CNTN4: variants seen among roughly 807,000 people sequenced by gnomAD.
The protein encoded by CNTN4 is contactin-4.
A neutral mutation model predicts 122.5 loss-of-function variants in CNTN4; 77 were observed. That is an observed-to-expected ratio of 0.63 (90% CI 0.52 to 0.76). CNTN4 has a LOEUF of 0.76. Ranked by LOEUF, CNTN4 falls within the 30% of genes least tolerant of loss-of-function variation. The pLI, the probability that CNTN4 is intolerant of heterozygous loss-of-function variation, is 0.00. For synonymous variants in CNTN4, 512 were observed against 447.0 expected, an observed-to-expected ratio of 1.15 and a Z score of -1.83; for missense variants, 1,256 against 1,259.1, an observed-to-expected ratio of 1.00 and a Z score of 0.04.
intron 7 of CNTN4, among the ~76,000 whole-genome samples, chr3:2,844,079 C>T (rs976320257): frequency 3.3e-5 from 5 of 152,304 alleles, no homozygotes; most frequent in Non-Finnish European, 4.4e-5. Context: ...ACACGTCCCT[C>T]CTAGCAATGG....
rs115529064 is a variant in CNTN4 at position 2,230,167 on chromosome 3, G to A, written c.-144-109011G>A. 6.7e-3 allele frequency among the ~76,000 whole-genome samples: 1,019 copies of A among 152,332 alleles called. 9 individuals are homozygous for A. Among genetic ancestry groups the A allele is most frequent in the African/African-American group, 0.024 (991 of 41,576 alleles). ...CAGCTGTCACCTGTCCTACACAGCA[G>A]CGCATTGACAGCACAGGTGTGGTAT... On this transcript the variant is annotated intron_variant, in intron 2 of 24. Coordinates refer to ENST00000418658, the MANE Select transcript of CNTN4 (RefSeq NM_175607.3).
intron 3 of CNTN4, among the ~76,000 whole-genome samples, chr3:2,365,370 G>T (rs959933327): frequency 1.3e-5 from 2 of 152,150 alleles, no homozygotes; most frequent in Non-Finnish European, 2.9e-5. Flanking sequence ...CATGCTTCAT[G>T]ATTTGTCCTC....
chr3:2,851,264 G>C (rs534985840), intron 7 of CNTN4, among the ~76,000 whole-genome samples: 1 of 152,274 alleles, frequency 6.6e-6, no homozygotes, highest in South Asian at 2.1e-4. Context: ...CTATTTGACA[G>C]ACTTTTGCAT....
At chr3:2,347,879 T>C (rs1251097272) in intron 3 of CNTN4, among the ~76,000 whole-genome samples, 2 of 152,110 alleles carry the variant, frequency 1.3e-5, no homozygotes, top group Admixed American at 1.3e-4. Flanking sequence ...GTTTTCTTGC[T>C]TTATCATGGA....
chr3:3,009,735 C>T (rs1697037753), intron 14 of CNTN4, among the ~76,000 whole-genome samples: 1 of 152,192 alleles, frequency 6.6e-6, no homozygotes, highest in African/African-American at 2.4e-5. Context: ...GCCCGGCCAG[C>T]ATTTCTTTTT....
At chr3:2,675,578 G>C (rs1430123704) in intron 4 of CNTN4, among the ~76,000 whole-genome samples, 1 of 152,132 alleles carries the variant, frequency 6.6e-6, no homozygotes, top group Non-Finnish European at 1.5e-5. Context: ...GCTCCACGAA[G>C]ACCAGGAAAA....
chr3:2,449,779 T>G (rs2048758229), intron 3 of CNTN4, among the ~76,000 whole-genome samples: 1 of 152,108 alleles, frequency 6.6e-6, no homozygotes, highest in Admixed American at 6.6e-5. Context: ...AATAATGAAA[T>G]CTTGCTATTT....
At chr3:2,108,172 T>C (rs565874350) in intron 2 of CNTN4, among the ~76,000 whole-genome samples, 179 of 140,058 alleles carry the variant, frequency 1.3e-3, no homozygotes, top group African/African-American at 2.8e-3. Flanking sequence ...TTTCTTTTTT[T>C]TTTTTTTTTT....
chr3:2,950,334 G>A (rs147546917), intron 13 of CNTN4, among the ~76,000 whole-genome samples: 238 of 152,336 alleles, frequency 1.6e-3, no homozygotes, highest in Middle Eastern at 6.8e-3. Flanking sequence ...ATGAGTCATT[G>A]TATGTCCATG....
chr3:2,757,425 G>A (rs912481451), intron 6 of CNTN4, among the ~76,000 whole-genome samples: 8 of 152,210 alleles, frequency 5.3e-5, no homozygotes, highest in South Asian at 2.1e-4. Flanking sequence ...CCCTGAATTC[G>A]ACCTCTTTGT....
intron 3 of CNTN4, among the ~76,000 whole-genome samples, chr3:2,570,687 G>A (rs2079384535): frequency 6.6e-6 from 1 of 152,100 alleles, no homozygotes; most frequent in African/African-American, 2.4e-5. Flanking sequence ...TCTGCCCACA[G>A]CTTCACTCAG....
At chr3:2,871,442 G>T (rs777519745) in intron 8 of CNTN4, among the ~76,000 whole-genome samples, 1 of 152,152 alleles carries the variant, frequency 6.6e-6, no homozygotes, top group South Asian at 2.1e-4. Context: ...AGTGACTAAC[G>T]ATGTTAAACT....
At chr3:2,413,143 C>G (rs1372320547) in intron 3 of CNTN4, among the ~76,000 whole-genome samples, 1 of 152,168 alleles carries the variant, frequency 6.6e-6, no homozygotes, top group African/African-American at 2.4e-5. Context: ...TCTTCTCTAA[C>G]CAAAATTGTC....
intron 4 of CNTN4, among the ~76,000 whole-genome samples, chr3:2,658,919 AT>A (rs534417466): frequency 6.6e-6 from 1 of 151,028 alleles, no homozygotes; most frequent in Non-Finnish European, 1.5e-5. Context: ...ACCTACTTGC[AT>A]TTTTTTATGT....
Position 3,056,393 on chromosome 3 carries a change from TAGCTTTGTCTGA to T in CNTN4, c.*176_*187del, listed in dbSNP as rs1172422168. ...ATACAGTACTTCCTCAAAGCAAATC[TAGCTTTGTCTGA>T]AGTTTCTTTGGAAACTCTGCAATGC... On this transcript the variant is annotated 3_prime_UTR_variant, in exon 25 of 25. Coordinates refer to ENST00000418658, the MANE Select transcript of CNTN4 (RefSeq NM_175607.3). The T allele has an allele frequency of 1.7e-6, 1 of 591,448 alleles. No individual in the cohort carries two copies. Among genetic ancestry groups the T allele is most frequent in the African/African-American group, 1.9e-5 (1 of 53,782 alleles). The allele number at this position is 591,448 out of a possible 1,614,324, so 36.6% of individuals were successfully genotyped here.
At chr3:2,183,797 C>G (rs1184684985) in intron 2 of CNTN4, among the ~76,000 whole-genome samples, 1 of 152,032 alleles carries the variant, frequency 6.6e-6, no homozygotes, top group Non-Finnish European at 1.5e-5. Flanking sequence ...CATAACCACC[C>G]CAAGCTACTA....
chr3:2,959,428 C>T (rs2094831154), intron 13 of CNTN4, among the ~76,000 whole-genome samples: 2 of 152,016 alleles, frequency 1.3e-5, no homozygotes, highest in South Asian at 4.2e-4. Context: ...TTTAAGTCTC[C>T]ACAGGTATTT....
intron 2 of CNTN4, among the ~76,000 whole-genome samples, chr3:2,185,119 T>G (rs1256894177): frequency 6.6e-6 from 1 of 152,142 alleles, no homozygotes; most frequent in Non-Finnish European, 1.5e-5. Flanking sequence ...GGCCTGGGCT[T>G]TTTACAGAGG....
At chr3:2,211,579 A>G (rs1344637145) in intron 2 of CNTN4, among the ~76,000 whole-genome samples, 1 of 152,222 alleles carries the variant, frequency 6.6e-6, no homozygotes, top group African/African-American at 2.4e-5. Context: ...AAGGCATTCT[A>G]AAACCTGTAT....
Sources: allele counts gnomAD v4.1 joint callset (sites outside exome capture counted in the v4.1 genomes callset), GRCh38; gene constraint gnomAD v4.1.1; transcripts MANE v1.5; gene names NCBI Gene and HGNC (gene_info 2026-07-23, HGNC 2026-07-21).